Variants in ST18 observed in about 807,000 individuals in gnomAD.
The protein encoded by ST18 is suppression of tumorigenicity 18 protein.
Under a neutral mutation model 110.0 loss-of-function variants are expected in ST18, and 50 were observed. That is an observed-to-expected ratio of 0.45 (90% confidence interval 0.36 to 0.58). The LOEUF is 0.58. Among genes scored for constraint, ST18 ranks in the 20% least tolerant of loss-of-function variants. ST18 has a pLI of 0.00. For missense variants in ST18, 1,306 were observed against 1,280.1 expected (o/e 1.02, Z -0.31); for synonymous variants, 461 against 452.4 (o/e 1.02, Z -0.24).
At chr8:52,293,255 GCTGCT>G (rs907912489) in intron 2 of ST18, among the ~76,000 whole-genome samples, 7 of 152,230 alleles carry the variant, frequency 4.6e-5, no homozygotes, top group African/African-American at 9.6e-5. Context: ...GGAAGCACTG[GCTGCT>G]CTGTTTTGCA....
At chr8:52,231,125 T>C (rs1360584909) in intron 2 of ST18, among the ~76,000 whole-genome samples, 5 of 152,234 alleles carry the variant, frequency 3.3e-5, no homozygotes, top group African/African-American at 1.2e-4. Context: ...GTCTAGATCA[T>C]TGTGGGAAAT....
chr8:52,121,842 A>AATT (rs1169596301), intron 23 of ST18, among the ~76,000 whole-genome samples: 5 of 151,802 alleles, frequency 3.3e-5, no homozygotes, highest in African/African-American at 4.8e-5. Context: ...CTATCCACTA[A>AATT]ATTATTATTA....
In ST18 at chr8:52,377,055, A is replaced by G. The variant is rs571376191; in HGVS notation, c.-465+32273T>C. On this transcript the variant is annotated intron_variant, in intron 2 of 25. Transcript: ENST00000689386. ...CATGTACTTAAGAAGGATGCCACATACACTCAAAGGTAGATCAAGGGAGCA... is the reference window on the plus strand; with the variant it reads ...CATGTACTTAAGAAGGATGCCACATGCACTCAAAGGTAGATCAAGGGAGCA... Among the ~76,000 whole-genome samples the G allele has an allele frequency of 9.2e-5, 14 of 152,314 alleles. No homozygotes were observed. The South Asian group carries it at 2.9e-3, about 32-fold the overall frequency.
chr8:52,142,910 T>C lies in ST18; in HGVS notation c.2168+20A>G. The C allele has an allele frequency of 6.6e-7, 1 of 1,507,674 alleles. No homozygotes were observed. The highest frequency in any genetic ancestry group is 9.2e-7 in the Non-Finnish European group (1 of 1,085,038). 93.4% of individuals were successfully genotyped at this position (1,507,674 alleles called of 1,614,324 possible). A position where few individuals can be genotyped will look rare whatever the true frequency, so the allele number is the denominator to read the frequency against. Reference sequence around the variant, plus strand: ...CTTCATTCCAGAATCTTAGAGGGCATGGCATTGGGCACCACTTACGTGATT... The same window carrying C: ...CTTCATTCCAGAATCTTAGAGGGCACGGCATTGGGCACCACTTACGTGATT... On this transcript the variant is annotated intron_variant, in intron 17 of 25. Coordinates refer to ENST00000689386, the MANE Select transcript of ST18 (RefSeq NM_001352837.2).
chr8:52,405,091 A>G (rs530688378), intron 2 of ST18: 6 of 152,258 alleles, frequency 3.9e-5, no homozygotes, highest in Non-Finnish European at 8.8e-5. Context: ...AATTCAGAAT[A>G]TTCATTCAGT....
chr8:52,204,921 A>C (rs934696182), intron 8 of ST18, among the ~76,000 whole-genome samples: 1 of 152,138 alleles, frequency 6.6e-6, no homozygotes, highest in Non-Finnish European at 1.5e-5. Flanking sequence ...GGCAAAGAAA[A>C]TAAAGCATGT....
intron 8 of ST18, among the ~76,000 whole-genome samples, chr8:52,198,339 T>C (rs1266622208): frequency 6.6e-6 from 1 of 152,204 alleles, no homozygotes; most frequent in Non-Finnish European, 1.5e-5. Context: ...TACATGTCAA[T>C]TTCACTTCTT....
chr8:52,263,357 T>C (rs1360479799), intron 2 of ST18, among the ~76,000 whole-genome samples: 1 of 152,134 alleles, frequency 6.6e-6, no homozygotes, highest in Non-Finnish European at 1.5e-5. Context: ...CTATAAACCA[T>C]TGACATTGGA....
chr8:52,388,187 G>A (rs904455069), intron 2 of ST18, among the ~76,000 whole-genome samples: 4 of 152,274 alleles, frequency 2.6e-5, no homozygotes, highest in African/African-American at 9.6e-5. Flanking sequence ...TTGCTTATGT[G>A]CGATGTCATC....
At chr8:52,140,346 A>G (rs560750236) in intron 17 of ST18, among the ~76,000 whole-genome samples, 2 of 152,292 alleles carry the variant, frequency 1.3e-5, no homozygotes, top group East Asian at 3.9e-4. Context: ...CCTGGCCAAC[A>G]TGGCGAAACC....
intron 2 of ST18, among the ~76,000 whole-genome samples, chr8:52,336,037 C>G (rs1479814125): frequency 6.6e-6 from 1 of 152,198 alleles, no homozygotes; most frequent in African/African-American, 2.4e-5. Flanking sequence ...AGAGAATACT[C>G]CTTCAAGCCC....
chr8:52,128,187 T>A (rs1329020545), intron 22 of ST18, among the ~76,000 whole-genome samples: 1 of 152,210 alleles, frequency 6.6e-6, no homozygotes, highest in African/African-American at 2.4e-5. Context: ...CAGGCTGGAC[T>A]CGAACTCCTG....
chr8:52,300,480 G>A (rs1217058520), intron 2 of ST18, among the ~76,000 whole-genome samples: 2 of 152,178 alleles, frequency 1.3e-5, no homozygotes, highest in Admixed American at 1.3e-4. Flanking sequence ...GGTTCACTCT[G>A]TGTTTTCGTT....
chr8:52,119,197 G>T (rs2043706343), intron 23 of ST18, among the ~76,000 whole-genome samples: 1 of 152,190 alleles, frequency 6.6e-6, no homozygotes, highest in South Asian at 2.1e-4. Context: ...CTGTGAGAAT[G>T]AATGCAATAA....
At chr8:52,390,852 G>T (rs1839086667) in intron 2 of ST18, among the ~76,000 whole-genome samples, 2 of 152,246 alleles carry the variant, frequency 1.3e-5, no homozygotes, top group African/African-American at 4.8e-5. Flanking sequence ...AAAGGCCACA[G>T]GTGCAGACGG....
chr8:52,408,161 T>A (rs761707834), intron 2 of ST18, among the ~76,000 whole-genome samples: 2 of 152,226 alleles, frequency 1.3e-5, no homozygotes, highest in Non-Finnish European at 2.9e-5. Flanking sequence ...AATGTAGGAC[T>A]ATGAATAATT....
chr8:52,136,798 G>T (rs768465766), intron 18 of ST18, 140 bp from the exon 19 acceptor site: 107 of 738,786 alleles, frequency 1.4e-4, no homozygotes, highest in Admixed American at 3.7e-4. Context: ...TTTGAATCTG[G>T]CTTTGCTCTT....
intron 2 of ST18, among the ~76,000 whole-genome samples, chr8:52,238,731 G>T (rs751197726): frequency 2.6e-5 from 4 of 151,922 alleles, no homozygotes; most frequent in African/African-American, 9.7e-5. Context: ...GGAACTAGAT[G>T]CCATTATCTT....
At chr8:52,151,696 A>G (rs2058848885) in intron 15 of ST18, among the ~76,000 whole-genome samples, 2 of 152,240 alleles carry the variant, frequency 1.3e-5, no homozygotes, top group Admixed American at 6.5e-5. Context: ...TGTAAATAGC[A>G]ATGAAACAGA....
Sources: gnomAD v4.1 joint callset for allele counts (sites outside exome capture counted in the v4.1 genomes callset) on GRCh38, gnomAD v4.1.1 for gene constraint, MANE v1.5 for transcripts, NCBI Gene and HGNC (gene_info 2026-07-23, HGNC 2026-07-21) for gene names.